The following CNTN5 variants were observed in gnomAD, a reference collection of about 807,000 sequenced individuals.
The protein encoded by CNTN5 is contactin-5.
In CNTN5, 77 loss-of-function variants were observed where a neutral mutation model predicts 129.1. That is an observed-to-expected ratio of 0.60 (90% CI 0.50 to 0.72). The LOEUF (loss-of-function observed/expected upper bound fraction) is 0.72. Ranked by LOEUF, CNTN5 falls within the 30% of genes least tolerant of loss-of-function variation. CNTN5 has a pLI of 0.00. For missense variants in CNTN5, 1,478 were observed against 1,328.8 expected, an observed-to-expected ratio of 1.11 and a Z score of -1.75; for synonymous variants, 509 against 465.6, an observed-to-expected ratio of 1.09 and a Z score of -1.20.
In CNTN5 at chr11:100,350,759, C is replaced by T. The variant is rs1285898466; in HGVS notation, c.3088C>T (p.Gln1030Ter). 1 of 1,608,570 alleles carries T rather than the reference C, an allele frequency of 6.2e-7. No homozygotes were observed. Among genetic ancestry groups the T allele is most frequent in the Non-Finnish European group, 8.5e-7 (1 of 1,176,582 alleles). Reference sequence around the variant, plus strand: ...CCAAGTTATTGAAACACAGAAACTTCAAGCAGTAGTACCACTCCCAGATGC... The same window carrying T: ...CCAAGTTATTGAAACACAGAAACTTTAAGCAGTAGTACCACTCCCAGATGC... ...NSQVIETQKL[Q>*]AVVPLPDAGV... The change falls in exon 24 of 25, where the codon CAA (glutamine) becomes TAA (stop). Residue 1030 changes from glutamine (Q) to a stop codon, truncating the protein, a stop_gained. Coordinates refer to ENST00000524871, the MANE Select transcript of CNTN5 (RefSeq NM_014361.4). LOFTEE classifies it high-confidence loss of function.
At chr11:99,161,292 A>G (rs1485632144) in intron 1 of CNTN5, among the ~76,000 whole-genome samples, 4 of 152,212 alleles carry the variant, frequency 2.6e-5, no homozygotes, top group Admixed American at 2.0e-4. Flanking sequence ...AGACTCTATG[A>G]CAGATACTTC....
chr11:100,190,227 T>C (rs1171453665), intron 13 of CNTN5, among the ~76,000 whole-genome samples: 1 of 152,174 alleles, frequency 6.6e-6, no homozygotes. Context: ...CAGGGGCTAC[T>C]GGTTCTTACC....
At chr11:99,248,438 T>C (rs1223131376) in intron 1 of CNTN5, among the ~76,000 whole-genome samples, 2 of 152,200 alleles carry the variant, frequency 1.3e-5, no homozygotes, top group African/African-American at 4.8e-5. Flanking sequence ...TGGTAGTTTC[T>C]TTTGCTGTGC....
chr11:99,414,166 C>G (rs1045233268), intron 2 of CNTN5, among the ~76,000 whole-genome samples: 1 of 152,108 alleles, frequency 6.6e-6, no homozygotes, highest in Non-Finnish European at 1.5e-5. Context: ...TATTTCTGTC[C>G]AACTATGTCT....
At chr11:99,056,076 G>C (rs1591115135) in intron 1 of CNTN5, among the ~76,000 whole-genome samples, 1 of 151,754 alleles carries the variant, frequency 6.6e-6, no homozygotes, top group African/African-American at 2.4e-5. Flanking sequence ...GATATGGGCG[G>C]CTGTTTCATT....
intron 1 of CNTN5, among the ~76,000 whole-genome samples, chr11:99,174,055 T>A (rs547264686): frequency 6.6e-6 from 1 of 152,274 alleles, no homozygotes; most frequent in African/African-American, 2.4e-5. Context: ...TGGAGTGCAG[T>A]GGCCGTGTTC....
intron 16 of CNTN5, among the ~76,000 whole-genome samples, chr11:100,236,302 G>C (rs1334522123): frequency 6.6e-6 from 1 of 152,140 alleles, no homozygotes. Flanking sequence ...CTGAGAGAGA[G>C]GACTGTGGGC....
intron 3 of CNTN5, among the ~76,000 whole-genome samples, chr11:99,681,666 T>A (rs1362199671): frequency 1.3e-5 from 2 of 152,052 alleles, no homozygotes; most frequent in Non-Finnish European, 2.9e-5. Flanking sequence ...TATTGCAATA[T>A]ACACTTCATT....
chr11:100,065,781 A>G (rs1293913400), intron 10 of CNTN5, among the ~76,000 whole-genome samples: 9 of 152,108 alleles, frequency 5.9e-5, no homozygotes, highest in African/African-American at 1.7e-4. Context: ...TCTATATACT[A>G]TAGTTAACAT....
At chr11:99,651,880 A>G (rs1952170229) in intron 3 of CNTN5, among the ~76,000 whole-genome samples, 1 of 152,064 alleles carries the variant, frequency 6.6e-6, no homozygotes, top group Admixed American at 6.6e-5. Flanking sequence ...AAAATGGATA[A>G]GATTTCATAT....
At chr11:99,849,437 A>G (rs1947805116) in intron 6 of CNTN5, among the ~76,000 whole-genome samples, 1 of 152,024 alleles carries the variant, frequency 6.6e-6, no homozygotes, top group Non-Finnish European at 1.5e-5. Flanking sequence ...CTTATTAACC[A>G]GAAATATATT....
intron 1 of CNTN5, among the ~76,000 whole-genome samples, chr11:99,274,588 C>T (rs183185888): frequency 6.6e-6 from 1 of 151,416 alleles, no homozygotes; most frequent in Admixed American, 6.6e-5. Flanking sequence ...TTTATGCTTT[C>T]ATAACAGTGA....
intron 8 of CNTN5, among the ~76,000 whole-genome samples, chr11:100,001,343 C>A (rs1293292331): frequency 1.3e-5 from 2 of 152,142 alleles, no homozygotes; most frequent in Non-Finnish European, 2.9e-5. Flanking sequence ...GGGGAATCTA[C>A]CTCCATGATC....
intron 2 of CNTN5, among the ~76,000 whole-genome samples, chr11:99,384,624 C>G (rs576023231): frequency 6.8e-4 from 103 of 152,286 alleles, no homozygotes; most frequent in African/African-American, 2.4e-3. Flanking sequence ...ACTTCTTTAT[C>G]TCAGTTCCCT....
chr11:99,964,706 A>G (rs559226766), intron 8 of CNTN5, among the ~76,000 whole-genome samples: 47 of 152,170 alleles, frequency 3.1e-4, no homozygotes, highest in Admixed American at 2.0e-3. Context: ...CTCTTTTTCT[A>G]TTGATTGGAA....
intron 3 of CNTN5, among the ~76,000 whole-genome samples, chr11:99,656,054 A>C (rs1337293620): frequency 6.6e-6 from 1 of 151,986 alleles, no homozygotes; most frequent in East Asian, 1.9e-4. Context: ...ATATAGGTAT[A>C]AGTGTGTGTA....
intron 1 of CNTN5, among the ~76,000 whole-genome samples, chr11:99,217,661 AGT>A (rs1860197455): frequency 6.6e-6 from 1 of 152,042 alleles, no homozygotes; most frequent in Non-Finnish European, 1.5e-5. Context: ...CTCTCAGCTG[AGT>A]GTGTCTTACT....
At chr11:100,143,627 A>G (rs1946764108) in intron 13 of CNTN5, among the ~76,000 whole-genome samples, 1 of 152,154 alleles carries the variant, frequency 6.6e-6, no homozygotes, top group African/African-American at 2.4e-5. Context: ...GGCAATGTTT[A>G]TGAACTACAG....
In CNTN5 at chr11:100,171,322, C is replaced by T. The variant is rs562265030; in HGVS notation, c.1581-19804C>T. ...TGTGACCTTAGTGGTTTCAGAAGAGCACTTAATGTACCCCTAGTTCCTATG... is the reference window on the plus strand; with the variant it reads ...TGTGACCTTAGTGGTTTCAGAAGAGTACTTAATGTACCCCTAGTTCCTATG... On this transcript the variant is annotated intron_variant, in intron 13 of 24. Coordinates refer to ENST00000524871, the MANE Select transcript of CNTN5 (RefSeq NM_014361.4). Among the ~76,000 whole-genome samples the T allele has an allele frequency of 2.6e-5, 4 of 152,066 alleles. No homozygotes were observed. The East Asian group carries it at 7.8e-4, about 30-fold the overall frequency.
Sources: gnomAD v4.1 joint callset for allele counts (sites outside exome capture counted in the v4.1 genomes callset) on GRCh38, gnomAD v4.1.1 for gene constraint, MANE v1.5 for transcripts, NCBI Gene and HGNC (gene_info 2026-07-23, HGNC 2026-07-21) for gene names.